Variants in SYTL3 observed in about 807,000 individuals in gnomAD.
SYTL3 encodes synaptotagmin-like protein 3.
A neutral mutation model predicts 82.1 loss-of-function variants in SYTL3; 88 were observed. The ratio of observed to expected loss-of-function variants is 1.07; its 90% CI spans 0.90 to 1.28. SYTL3 has a LOEUF of 1.28. SYTL3 is among the 50% of genes most tolerant of loss of function. The probability of loss-of-function intolerance (pLI) is 0.00; values close to 1 mark genes in which losing one functional copy is unlikely to be tolerated. For missense variants in SYTL3, 831 were observed against 757.6 expected, an observed-to-expected ratio of 1.10 and a Z score of -1.14; for synonymous variants, 311 against 289.4, an observed-to-expected ratio of 1.07 and a Z score of -0.76.
intron 11 of SYTL3, among the ~76,000 whole-genome samples, chr6:158,733,092 C>G (rs1785629645): frequency 6.6e-6 from 1 of 152,090 alleles, no homozygotes; most frequent in South Asian, 2.1e-4. Flanking sequence ...CTTCAAGCCT[C>G]CTTGCTTTGT....
intron 5 of SYTL3, among the ~76,000 whole-genome samples, chr6:158,670,382 T>A (rs922620304): frequency 1.3e-5 from 2 of 151,720 alleles, no homozygotes; most frequent in Admixed American, 6.6e-5. Flanking sequence ...TACAGGAGAG[T>A]TGGCAAGGAA....
chr6:158,763,276 G>T (rs748065784), intron 16 of SYTL3, 28 bp from the exon 17 acceptor site: 9 of 1,610,918 alleles, frequency 5.6e-6, no homozygotes, highest in Non-Finnish European at 7.6e-6. Flanking sequence ...GGATGGCAAT[G>T]ATTGCAGGGT....
intron 11 of SYTL3, among the ~76,000 whole-genome samples, chr6:158,739,113 C>T (rs1008808491): frequency 1.3e-5 from 2 of 152,238 alleles, no homozygotes; most frequent in African/African-American, 4.8e-5. Flanking sequence ...ATCTAAATAG[C>T]ACAGTCAGAT....
At chr6:158,757,183 G>C in intron 13 of SYTL3, 28 bp from the exon 14 acceptor site, 1 of 1,598,462 alleles carries the variant, frequency 6.3e-7, no homozygotes, top group Non-Finnish European at 8.5e-7. Flanking sequence ...CGGGAGCCCA[G>C]CTGACCATCT....
intron 11 of SYTL3, among the ~76,000 whole-genome samples, chr6:158,730,611 T>C (rs1288046019): frequency 6.6e-6 from 1 of 152,100 alleles, no homozygotes; most frequent in Admixed American, 6.5e-5. Context: ...CGAATAAACC[T>C]GGACTCTCAG....
chr6:158,650,743 G>T (rs1002637846), intron 1 of SYTL3, among the ~76,000 whole-genome samples: 1 of 149,606 alleles, frequency 6.7e-6, no homozygotes, highest in African/African-American at 2.5e-5. Context: ...AGGAATTTGA[G>T]ACCAGCCTGG....
chr6:158,668,198 A>G (rs1790317779), intron 5 of SYTL3, among the ~76,000 whole-genome samples: 1 of 151,280 alleles, frequency 6.6e-6, no homozygotes, highest in Non-Finnish European at 1.5e-5. Context: ...CCCGCCTGCT[A>G]GGAGCCTTGT....
chr6:158,693,851 TTTTC>T (rs1339896775), intron 6 of SYTL3, among the ~76,000 whole-genome samples: 1 of 77,586 alleles, frequency 1.3e-5, no homozygotes, highest in Non-Finnish European at 2.4e-5. Flanking sequence ...TTTCTTTTTC[TTTTC>T]TTTTTTTTTT....
chr6:158,727,099 C>G (rs1317240047), intron 11 of SYTL3, among the ~76,000 whole-genome samples: 2 of 152,102 alleles, frequency 1.3e-5, no homozygotes, highest in Non-Finnish European at 2.9e-5. Context: ...ATCCACGTGC[C>G]TCGGCCTCCC....
intron 6 of SYTL3, among the ~76,000 whole-genome samples, chr6:158,689,453 A>G (rs375782467): frequency 1.4e-4 from 21 of 152,268 alleles, no homozygotes; most frequent in Non-Finnish European, 2.1e-4. Flanking sequence ...GTCCTTTTCA[A>G]TCATGTTAGT....
chr6:158,739,892 C>T (rs1786704851), intron 11 of SYTL3, among the ~76,000 whole-genome samples: 1 of 151,968 alleles, frequency 6.6e-6, no homozygotes, highest in South Asian at 2.1e-4. Context: ...TCCATTGACC[C>T]ATCTTCCAGT....
intron 13 of SYTL3, among the ~76,000 whole-genome samples, chr6:158,756,313 C>T (rs1489646928): frequency 6.6e-6 from 1 of 152,268 alleles, no homozygotes; most frequent in African/African-American, 2.4e-5. Flanking sequence ...CAAGCCAGCA[C>T]AGGCCCTGCA....
At chr6:158,655,836 G>A (rs182545359) in intron 2 of SYTL3, among the ~76,000 whole-genome samples, 280 of 152,304 alleles carry the variant, frequency 1.8e-3, no homozygotes, top group Admixed American at 3.6e-3. Flanking sequence ...CAAGTCGGTG[G>A]CAGAGGCAGC....
intron 6 of SYTL3, among the ~76,000 whole-genome samples, chr6:158,688,496 C>T (rs1423287383): frequency 6.6e-6 from 1 of 152,170 alleles, no homozygotes; most frequent in Non-Finnish European, 1.5e-5. Flanking sequence ...GGCTCAGTGG[C>T]TCATGCCTGT....
chr6:158,646,188 G>C (rs1016357423), upstream of SYTL3, among the ~76,000 whole-genome samples: 1 of 152,188 alleles, frequency 6.6e-6, no homozygotes, highest in Non-Finnish European at 1.5e-5. Flanking sequence ...ATGCAGTGGT[G>C]TGATCGGAGA....
chr6:158,740,790 T>C (rs574841182), intron 11 of SYTL3, among the ~76,000 whole-genome samples: 15 of 152,324 alleles, frequency 9.8e-5, no homozygotes, highest in African/African-American at 3.6e-4. Flanking sequence ...TTTTATATAA[T>C]TATAACTTGG....
rs1422277332 is a variant in SYTL3 at position 158,671,753 on chromosome 6, A to G, written c.329+6140A>G. ...TCAGTCTAAAAAAAAAAAAAAAGAT[A>G]ATTATTTAAATTATTTAGCCAATCA... On this transcript the variant is annotated intron_variant, in intron 5 of 17. Transcript: ENST00000611299. Among the ~76,000 whole-genome samples, 83 of 133,794 alleles carry G rather than the reference A, an allele frequency of 6.2e-4. No homozygotes were observed. The East Asian group carries it at 0.02, about 33-fold the overall frequency. The allele number at this position is 133,794 out of a possible 152,430, so 87.8% of individuals were successfully genotyped here. A position where few individuals can be genotyped will look rare whatever the true frequency, so the allele number is the denominator to read the frequency against.
intron 11 of SYTL3, chr6:158,726,588 T>G (rs1784742118): frequency 4.5e-6 from 1 of 221,016 alleles, no homozygotes; most frequent in African/African-American, 2.3e-5. Flanking sequence ...ACTGAAGAAC[T>G]GTTCAAAGTC....
chr6:158,725,666 G>C (rs746379694), intron 11 of SYTL3, 29 bp downstream of exon 11: 1 of 968,794 alleles, frequency 1.0e-6, no homozygotes, highest in Non-Finnish European at 1.5e-6. Flanking sequence ...CTCTTTTTTT[G>C]TTTTTTTGTT....
Sources: allele counts gnomAD v4.1 joint callset (sites outside exome capture counted in the v4.1 genomes callset), GRCh38; gene constraint gnomAD v4.1.1; transcripts MANE v1.5; gene names NCBI Gene and HGNC (gene_info 2026-07-23, HGNC 2026-07-21).